Variants in MEST observed in about 807,000 individuals in gnomAD.
MEST encodes mesoderm specific transcript, also known as mesoderm-specific transcript homolog protein.
Under a neutral mutation model 50.9 loss-of-function variants are expected in MEST, and 18 were observed. The ratio of observed to expected loss-of-function variants is 0.35; its 90% CI spans 0.24 to 0.52. The LOEUF (loss-of-function observed/expected upper bound fraction) is 0.52, where lower values mean the gene tolerates loss of function less well. Ranked by LOEUF, MEST falls within the 20% of genes least tolerant of loss-of-function variation. The pLI is 0.94. For synonymous variants in MEST, 130 were observed against 154.1 expected (o/e 0.84, Z 1.16); for missense variants, 282 against 425.3 (o/e 0.66, Z 2.96).
Position 130,497,898 on chromosome 7 carries a change from AG to A in MEST, c.262-36del. On this transcript the variant is annotated intron_variant, in intron 3 of 11. Transcript: ENST00000223215. The surrounding 1 kb of genome is among the most constrained non-coding windows in gnomAD (Gnocchi z 4.0). ...TGTAGGTCTGGTGAAAGGGAGGGGCAGGAGCAGAAAGCCCAAATCATCGTTT... is the reference window on the plus strand; with the variant it reads ...TGTAGGTCTGGTGAAAGGGAGGGGCAGAGCAGAAAGCCCAAATCATCGTTT... 6.3e-7 allele frequency: 1 copy of A among 1,593,054 alleles called. No homozygotes were observed. Among genetic ancestry groups the A allele is most frequent in the South Asian group, 1.1e-5 (1 of 90,652 alleles).
rs1798882546 is a variant in MEST at position 130,492,862 on chromosome 7, A to G, written c.26+523A>G. Among the ~76,000 whole-genome samples the G allele has an allele frequency of 1.3e-5, 2 of 151,358 alleles. No homozygotes were observed. Among genetic ancestry groups the G allele is most frequent in the African/African-American group, 4.9e-5 (2 of 41,092 alleles). On this transcript the variant is annotated intron_variant, in intron 1 of 11. Transcript: ENST00000223215. The surrounding 1 kb of genome is among the most constrained non-coding windows in gnomAD (Gnocchi z 7.6). ...GTTGCCGTGGCGCGATTTAGGATTTATAGATCCCGGCAAAGCCCTGGTGCG... is the reference window on the plus strand; with the variant it reads ...GTTGCCGTGGCGCGATTTAGGATTTGTAGATCCCGGCAAAGCCCTGGTGCG...
chr7:130,503,430 G>C (rs183114088), intron 10 of MEST, among the ~76,000 whole-genome samples: 208 of 152,318 alleles, frequency 1.4e-3, no homozygotes, highest in Non-Finnish European at 2.5e-3. Flanking sequence ...TCCAATGAAT[G>C]AACTGGTACG....
Position 130,505,073 on chromosome 7 carries a change from T to G in MEST, c.*17T>G, listed in dbSNP as rs782078634. 1 of 1,549,242 alleles carries G rather than the reference T, an allele frequency of 6.5e-7. No homozygotes were observed. The highest frequency in any genetic ancestry group is 8.9e-7 in the Non-Finnish European group (1 of 1,122,076). Reference sequence around the variant, plus strand: ...TCCTTCTGAGCTGGAAAGAGTAGCTTCCCTGTATTACCTCCCCTACTCCCT... The same window carrying G: ...TCCTTCTGAGCTGGAAAGAGTAGCTGCCCTGTATTACCTCCCCTACTCCCT... On this transcript the variant is annotated 3_prime_UTR_variant, in exon 12 of 12. Coordinates refer to ENST00000223215, the MANE Select transcript of MEST (RefSeq NM_002402.4).
rs1216953203 is a variant in MEST, at chr7:130,505,908, G to A, written c.*852G>A. 2 of 152,312 alleles carry A rather than the reference G, an allele frequency of 1.3e-5. No individual in the cohort carries two copies. The highest frequency in any genetic ancestry group is 4.8e-5 in the African/African-American group (2 of 41,456). 9.4% of individuals were successfully genotyped at this position (152,312 alleles called of 1,614,324 possible). On this transcript the variant is annotated 3_prime_UTR_variant, in exon 12 of 12. Transcript: ENST00000223215. ...GAGACTCCTCATACCTCAGTGGTTA[G>A]AAGCATGTCTCTCTTGAGCTACAGT...
At chr7:130,493,519 A>C (rs1798915062) in intron 1 of MEST, among the ~76,000 whole-genome samples, 1 of 152,170 alleles carries the variant, frequency 6.6e-6, no homozygotes, top group South Asian at 2.1e-4. Context: ...AATAAGACAA[A>C]AAATGGCCCC....
chr7:130,499,250 G>A (rs901956224), intron 6 of MEST, among the ~76,000 whole-genome samples: 10 of 152,234 alleles, frequency 6.6e-5, no homozygotes, highest in South Asian at 2.1e-4. Context: ...TCTCCTGAAC[G>A]CCTTAAGAGC....
Position 130,500,077 on chromosome 7 carries a change from A to C in MEST, c.576+162A>C. 1.6e-6 allele frequency: 1 copy of C among 641,376 alleles called. No homozygotes were observed. The highest frequency in any genetic ancestry group is 3.4e-5 in the Admixed American group (1 of 29,318). 39.7% of individuals were successfully genotyped at this position (641,376 alleles called of 1,614,324 possible). On this transcript the variant is annotated intron_variant, in intron 7 of 11. Coordinates refer to ENST00000223215, the MANE Select transcript of MEST (RefSeq NM_002402.4). This position sits in a 1 kb window ranked among gnomAD's most constrained non-coding sequence, Gnocchi z 5.0. ...ACTTTTTCCCTTCTTAGGCAACTAA[A>C]GCAGAGGCAGTGGCCCCTACGTAAA...
chr7:130,500,722 GT>G lies in MEST; in HGVS notation c.648-65del, dbSNP rs1563025758. The G allele has an allele frequency of 7.2e-7, 1 of 1,398,404 alleles. No individual in the cohort carries two copies. The highest frequency in any genetic ancestry group is 9.9e-7 in the Non-Finnish European group (1 of 1,011,460). 86.6% of individuals were successfully genotyped at this position (1,398,404 alleles called of 1,614,324 possible). Reference sequence around the variant, plus strand: ...TGGCCCAGACTGCATGGCCTCTGAGGTTCCAGCCATATTGAACATTCTGAGT... The same window carrying G: ...TGGCCCAGACTGCATGGCCTCTGAGGTCCAGCCATATTGAACATTCTGAGT... On this transcript the variant is annotated intron_variant, in intron 8 of 11. Transcript: ENST00000223215. This position sits in a 1 kb window ranked among gnomAD's most constrained non-coding sequence, Gnocchi z 5.0.
At chr7:130,494,141 CA>C (rs1798944235) in intron 1 of MEST, among the ~76,000 whole-genome samples, 1 of 151,928 alleles carries the variant, frequency 6.6e-6, no homozygotes, top group South Asian at 2.1e-4. Context: ...TAGATTTTAG[CA>C]AAAAGTATCA....
rs1799460452 is a variant in MEST, at chr7:130,505,904, G to GT, written c.*850dup. 6.6e-6 allele frequency: 1 copy of GT among 152,268 alleles called. No individual in the cohort carries two copies. The highest frequency in any genetic ancestry group is 1.5e-5 in the Non-Finnish European group (1 of 68,034). 9.4% of individuals were successfully genotyped at this position (152,268 alleles called of 1,614,324 possible). A position where few individuals can be genotyped will look rare whatever the true frequency, so the allele number is the denominator to read the frequency against. On this transcript the variant is annotated 3_prime_UTR_variant, in exon 12 of 12. Coordinates refer to ENST00000223215, the MANE Select transcript of MEST (RefSeq NM_002402.4). ...GTCTGAGACTCCTCATACCTCAGTG[G>GT]TTAGAAGCATGTCTCTCTTGAGCTA... is the stretch of plus-strand genomic sequence containing the variant.
rs782807371 is a variant in MEST at position 130,500,433 on chromosome 7, G to A, written c.577-29G>A. On this transcript the variant is annotated intron_variant, in intron 7 of 11. Coordinates refer to ENST00000223215, the MANE Select transcript of MEST (RefSeq NM_002402.4). The surrounding 1 kb of genome is among the most constrained non-coding windows in gnomAD (Gnocchi z 5.0). The stretch of plus-strand genomic sequence containing the variant: ...GGTGAGGATCTTCCTCTGGGTTCTT[G>A]AGCTTTACCTCCACTTATTCCCCTC... 101 of 1,604,034 alleles carry A rather than the reference G, an allele frequency of 6.3e-5. No homozygotes were observed. The highest frequency in any genetic ancestry group is 8.4e-5 in the Non-Finnish European group (98 of 1,173,006).
At chr7:130,489,698 AG>A (rs1233620750), upstream of MEST, 3 of 152,328 alleles carry the variant, frequency 2.0e-5, no homozygotes, top group African/African-American at 7.2e-5. Flanking sequence ...CCCTCCTTCA[AG>A]GAAGTTTTTC....
chr7:130,504,762 A>AAAC (rs1554439442), intron 11 of MEST, among the ~76,000 whole-genome samples, 177 bp from the exon 12 acceptor site: 3 of 152,238 alleles, frequency 2.0e-5, no homozygotes. Flanking sequence ...GTTTGTATAA[A>AAAC]TGGAATTGGC....
chr7:130,500,167 TC>T lies in MEST; in HGVS notation c.576+253del. The T allele has an allele frequency of 3.6e-6, 2 of 554,068 alleles. No individual in the cohort carries two copies. The highest frequency in any genetic ancestry group is 5.4e-5 in the South Asian group (2 of 37,072). 34.3% of individuals were successfully genotyped at this position (554,068 alleles called of 1,614,324 possible). On this transcript the variant is annotated intron_variant, in intron 7 of 11. Coordinates refer to ENST00000223215, the MANE Select transcript of MEST (RefSeq NM_002402.4). This position sits in a 1 kb window ranked among gnomAD's most constrained non-coding sequence, Gnocchi z 5.0. Reference sequence around the variant, plus strand: ...TGGAGAAATTACAGCTATGGAAAGATCTGTGTCACAAGCTTGATGTTTGAAC... The same window carrying T: ...TGGAGAAATTACAGCTATGGAAAGATTGTGTCACAAGCTTGATGTTTGAAC...
chr7:130,496,862 A>C (rs764527926), intron 2 of MEST: 35 of 224,994 alleles, frequency 1.6e-4, no homozygotes, highest in Non-Finnish European at 2.7e-4. Flanking sequence ...TTACAGAACA[A>C]AAGGAGAAAT....
At chr7:130,504,887 A>C in intron 11 of MEST, 52 bp from the exon 12 acceptor site, 1 of 1,426,640 alleles carries the variant, frequency 7.0e-7, no homozygotes, top group Non-Finnish European at 9.9e-7. Flanking sequence ...ACTGGCTTAC[A>C]TCCCTCCCGC....
In MEST at chr7:130,497,077, A is replaced by T; in HGVS notation, c.182-79A>T. On this transcript the variant is annotated intron_variant, in intron 2 of 11. Transcript: ENST00000223215. This position sits in a 1 kb window ranked among gnomAD's most constrained non-coding sequence, Gnocchi z 4.0. ...GTCACAGTTGCTTGTTCTTTGTATCAGATTACTTAGATTTTAACATCTTCG... is the reference window on the plus strand; with the variant it reads ...GTCACAGTTGCTTGTTCTTTGTATCTGATTACTTAGATTTTAACATCTTCG... 1 of 1,136,920 alleles carries T rather than the reference A, an allele frequency of 8.8e-7. No homozygotes were observed. The allele number at this position is 1,136,920 out of a possible 1,614,324, so 70.4% of individuals were successfully genotyped here.
Position 130,498,045 on chromosome 7 carries a change from G to A in MEST, c.339+32G>A, listed in dbSNP as rs546791126. The A allele has an allele frequency of 3.2e-4, 513 of 1,614,024 alleles. 8 individuals carry two copies. The South Asian group carries it at 5.5e-3, about 17-fold the overall frequency. On this transcript the variant is annotated intron_variant, in intron 4 of 11. Transcript: ENST00000223215. ...AGCACCTATGTGGGGCTGGTGATGGGGTGTGGGGGCAGACGCAGACTATGA... is the reference window on the plus strand; with the variant it reads ...AGCACCTATGTGGGGCTGGTGATGGAGTGTGGGGGCAGACGCAGACTATGA...
chr7:130,488,328 CA>C (rs1238407910), upstream of MEST: 1 of 152,222 alleles, frequency 6.6e-6, no homozygotes, highest in Non-Finnish European at 1.5e-5. Context: ...GTTGAATCGA[CA>C]TCTGTTTCTC....
Sources: allele counts gnomAD v4.1 joint callset (sites outside exome capture counted in the v4.1 genomes callset), GRCh38; gene constraint gnomAD v4.1.1; non-coding constraint Gnocchi (gnomAD v3.1); transcripts MANE v1.5; gene names NCBI Gene and HGNC (gene_info 2026-07-23, HGNC 2026-07-21).